Variants in CACNA1A observed in about 807,000 individuals in gnomAD.
The protein encoded by CACNA1A is voltage-dependent P/Q-type calcium channel subunit alpha-1A.
In CACNA1A, 57 loss-of-function variants were observed where a neutral mutation model predicts 262.4. The ratio of observed to expected loss-of-function variants is 0.22; its 90% CI spans 0.18 to 0.27. CACNA1A has a LOEUF of 0.27. Ranked by LOEUF, CACNA1A falls within the 10% of genes least tolerant of loss-of-function variation. CACNA1A has a pLI of 1.00. For synonymous variants in CACNA1A, 1,431 were observed against 1,419.3 expected (o/e 1.01, Z -0.18); for missense variants, 2,526 against 3,562.8 (o/e 0.71, Z 7.41).
chr19:13,504,761 T>C (rs1485406274), intron 1 of CACNA1A, among the ~76,000 whole-genome samples: 5 of 152,140 alleles, frequency 3.3e-5, no homozygotes, highest in Admixed American at 6.5e-5. Context: ...TCCCCCCTCC[T>C]GGAATCTGGG....
chr19:13,361,080 A>T (rs189956846), intron 5 of CACNA1A, among the ~76,000 whole-genome samples: 6 of 152,132 alleles, frequency 3.9e-5, no homozygotes, highest in Non-Finnish European at 5.9e-5. Flanking sequence ...GCATTGTGTT[A>T]TTCTCCTATA....
chr19:13,477,247 A>G (rs1473269423), intron 1 of CACNA1A, among the ~76,000 whole-genome samples: 3 of 152,158 alleles, frequency 2.0e-5, no homozygotes, highest in Non-Finnish European at 4.4e-5. Flanking sequence ...GCTCTATCTA[A>G]TACAGCAACT....
chr19:13,260,280 A>G (rs2056693765), intron 26 of CACNA1A: 1 of 149,824 alleles, frequency 6.7e-6, no homozygotes, highest in South Asian at 2.1e-4. Context: ...CACATATAAT[A>G]CATATGTGTG....
At chr19:13,244,985 C>T (rs2056187902) in intron 31 of CACNA1A, 197 bp downstream of exon 31, 1 of 593,804 alleles carries the variant, frequency 1.7e-6, no homozygotes, top group Non-Finnish European at 3.0e-6. Context: ...TTGGTTACCC[C>T]CATCTCCCCA....
chr19:13,505,457 G>A (rs180853646), intron 1 of CACNA1A, among the ~76,000 whole-genome samples: 2,382 of 152,240 alleles, frequency 0.016, 36 homozygotes, highest in Middle Eastern at 0.027. Context: ...CAGTAGTGGA[G>A]AGGCTGTCCA....
At chr19:13,354,062 C>T (rs185803027) in intron 6 of CACNA1A, among the ~76,000 whole-genome samples, 1 of 152,302 alleles carries the variant, frequency 6.6e-6, no homozygotes, top group Non-Finnish European at 1.5e-5. Context: ...TGCAGTGTCT[C>T]CAATCACCTA....
At chr19:13,402,859 C>CAA (rs2059927655) in intron 3 of CACNA1A, among the ~76,000 whole-genome samples, 1 of 58,868 alleles carries the variant, frequency 1.7e-5, no homozygotes, top group Non-Finnish European at 3.0e-5. Flanking sequence ...TATATATATA[C>CAA]ACACACACAC....
intron 34 of CACNA1A, among the ~76,000 whole-genome samples, chr19:13,233,939 C>A (rs1466190209): frequency 6.6e-6 from 1 of 151,970 alleles, no homozygotes; most frequent in Non-Finnish European, 1.5e-5. Context: ...CGTTTTTCAG[C>A]CCTGCCTGGC....
chr19:13,261,031 G>A (rs59926814), intron 26 of CACNA1A: 5,063 of 158,980 alleles, frequency 0.032, 264 homozygotes, highest in African/African-American at 0.11. Flanking sequence ...CCCATTTGAT[G>A]TAAATAGTTA....
chr19:13,376,776 C>CA (rs1268356359), intron 3 of CACNA1A, among the ~76,000 whole-genome samples: 2 of 125,312 alleles, frequency 1.6e-5, no homozygotes, highest in African/African-American at 3.4e-5. Flanking sequence ...ATATATAACA[C>CA]ATAATATATG....
intron 10 of CACNA1A, among the ~76,000 whole-genome samples, chr19:13,329,226 T>G (rs2058425418): frequency 6.6e-6 from 1 of 152,024 alleles, no homozygotes. Context: ...GTGGCAAAGG[T>G]CTGAGCCCTG....
At chr19:13,329,742 G>A (rs1369974486) in intron 10 of CACNA1A, among the ~76,000 whole-genome samples, 1 of 149,840 alleles carries the variant, frequency 6.7e-6, no homozygotes, top group Admixed American at 6.6e-5. Flanking sequence ...CAAAGTGTTG[G>A]GATTACAGGC....
At chr19:13,474,750 G>C (rs1476530355) in intron 1 of CACNA1A, among the ~76,000 whole-genome samples, 1 of 151,938 alleles carries the variant, frequency 6.6e-6, no homozygotes, top group Non-Finnish European at 1.5e-5. Flanking sequence ...CCAGGAGGCA[G>C]AGGTTGCAGT....
intron 6 of CACNA1A, among the ~76,000 whole-genome samples, chr19:13,348,019 C>T (rs915849938): frequency 2.0e-5 from 3 of 152,208 alleles, no homozygotes; most frequent in Non-Finnish European, 4.4e-5. Context: ...CCCTTGGGCT[C>T]AGGCAATCCT....
intron 1 of CACNA1A, among the ~76,000 whole-genome samples, chr19:13,476,185 T>G (rs1216824824): frequency 2.0e-5 from 3 of 152,134 alleles, no homozygotes; most frequent in Non-Finnish European, 4.4e-5. Flanking sequence ...TTCTGGGAAA[T>G]CTGGACAAGA....
At chr19:13,345,296 A>G (rs1202962746) in intron 6 of CACNA1A, among the ~76,000 whole-genome samples, 1 of 152,198 alleles carries the variant, frequency 6.6e-6, no homozygotes, top group African/African-American at 2.4e-5. Flanking sequence ...CACAGGGTGC[A>G]GATGGCATGG....
rs1600152752 is a variant in CACNA1A at position 13,241,669 on chromosome 19, T to C, written c.4950+3513A>G. 7 of 524,998 alleles carry C rather than the reference T, an allele frequency of 1.3e-5. No individual in the cohort carries two copies. The highest frequency in any genetic ancestry group is 8.4e-5 in the South Asian group (5 of 59,412). The allele number at this position is 524,998 out of a possible 1,614,324, so 32.5% of individuals were successfully genotyped here. A position where few individuals can be genotyped will look rare whatever the true frequency, so the allele number is the denominator to read the frequency against. The stretch of plus-strand genomic sequence containing the variant: ...CCCGGGCGGGGAGTGGGGGTGGTGG[T>C]GGCGGTGGGTTGGGAGATAAGTCAT... On this transcript the variant is annotated intron_variant, in intron 31 of 46. Coordinates refer to ENST00000360228, the MANE Select transcript of CACNA1A (RefSeq NM_001127222.2). This position sits in a 1 kb window ranked among gnomAD's most constrained non-coding sequence, Gnocchi z 4.0.
intron 3 of CACNA1A, among the ~76,000 whole-genome samples, chr19:13,420,254 C>A (rs759776474): frequency 1.9e-4 from 28 of 151,330 alleles, no homozygotes; most frequent in Non-Finnish European, 3.1e-4. Context: ...CAGAAAGGCT[C>A]GCTCTCTCTC....
Position 13,241,424 on chromosome 19 carries a change from C to G in CACNA1A, c.4950+3758G>C. 1 of 815,720 alleles carries G rather than the reference C, an allele frequency of 1.2e-6. No homozygotes were observed. The highest frequency in any genetic ancestry group is 1.4e-5 in the South Asian group (1 of 69,378). 50.5% of individuals were successfully genotyped at this position (815,720 alleles called of 1,614,324 possible). A position where few individuals can be genotyped will look rare whatever the true frequency, so the allele number is the denominator to read the frequency against. Reference sequence around the variant, plus strand: ...GTTGAGGAGAGCGTCAGGCATCCCACGTTGGAGAGGCAGGGTGTGGCATGC... The same window carrying G: ...GTTGAGGAGAGCGTCAGGCATCCCAGGTTGGAGAGGCAGGGTGTGGCATGC... On this transcript the variant is annotated intron_variant, in intron 31 of 46. Coordinates refer to ENST00000360228, the MANE Select transcript of CACNA1A (RefSeq NM_001127222.2). The surrounding 1 kb of genome is among the most constrained non-coding windows in gnomAD (Gnocchi z 4.0).
Sources: allele counts gnomAD v4.1 joint callset (sites outside exome capture counted in the v4.1 genomes callset), GRCh38; gene constraint gnomAD v4.1.1; non-coding constraint Gnocchi (gnomAD v3.1); transcripts MANE v1.5; gene names NCBI Gene and HGNC (gene_info 2026-07-23, HGNC 2026-07-21).